The following SCAP variants were observed in gnomAD, a reference collection of about 807,000 sequenced individuals.
SCAP encodes sterol regulatory element-binding protein cleavage-activating protein.
SCAP carries 65 observed loss-of-function variants against 123.6 expected under a neutral mutation model. The observed-to-expected ratio is 0.53, with a 90% CI of 0.43 to 0.65. The LOEUF (loss-of-function observed/expected upper bound fraction) is 0.65. Ranked by LOEUF, SCAP falls within the 30% of genes least tolerant of loss-of-function variation. The pLI is 0.00. For synonymous variants in SCAP, 740 were observed against 726.3 expected, an observed-to-expected ratio of 1.02 and a Z score of -0.30; for missense variants, 1,398 against 1,712.5, an observed-to-expected ratio of 0.82 and a Z score of 3.24.
Position 47,413,719 on chromosome 3 carries a change from T to C in SCAP, c.*135A>G. On this transcript the variant is annotated 3_prime_UTR_variant, in exon 23 of 23. Transcript: ENST00000265565. Reference sequence around the variant, plus strand: ...GCCTGACAGATGATGATATGGTTTTTTAAAAAAGTTTAATATTATTACAGT... The same window carrying C: ...GCCTGACAGATGATGATATGGTTTTCTAAAAAAGTTTAATATTATTACAGT... 2 of 1,254,452 alleles carry C rather than the reference T, an allele frequency of 1.6e-6. No homozygotes were observed. The highest frequency in any genetic ancestry group is 2.9e-5 in the South Asian group (2 of 68,596). The allele number at this position is 1,254,452 out of a possible 1,614,324, so 77.7% of individuals were successfully genotyped here.
chr3:47,415,195 C>T lies in SCAP; in HGVS notation c.3057-15G>A, dbSNP rs768915690. On this transcript the variant is annotated splice_polypyrimidine_tract_variant and intron_variant, in intron 18 of 22. Transcript: ENST00000265565. ...CAGCCACAATCCTGGAAGAGAAGAACAGCTGCCAGGGGCCTCTCCCTTAGA... is the reference window on the plus strand; with the variant it reads ...CAGCCACAATCCTGGAAGAGAAGAATAGCTGCCAGGGGCCTCTCCCTTAGA... 3.4e-5 allele frequency: 54 copies of T among 1,600,638 alleles called. No homozygotes were observed. The highest frequency in any genetic ancestry group is 3.8e-5 in the Non-Finnish European group (45 of 1,175,278).
chr3:47,466,143 A>AC (rs1296085249), intron 1 of SCAP, among the ~76,000 whole-genome samples: 1 of 151,436 alleles, frequency 6.6e-6, no homozygotes, highest in Admixed American at 6.6e-5. Context: ...AACCAAAAAA[A>AC]AAAAAAAAAA....
At chr3:47,443,131 T>C (rs1391999451) in intron 1 of SCAP, 40 bp from the exon 2 acceptor site, 1 of 1,464,942 alleles carries the variant, frequency 6.8e-7, no homozygotes, top group African/African-American at 1.4e-5. Flanking sequence ...AAAGAGTACT[T>C]GGCTCTGCAC....
In SCAP at chr3:47,428,609, C is replaced by T; in HGVS notation, c.314G>A (p.Trp105Ter). Residue 105 changes from tryptophan (W) to a stop codon, truncating the protein, a stop_gained, in exon 4 of 23, where the codon TGG becomes TAG. Coordinates refer to ENST00000265565, the MANE Select transcript of SCAP (RefSeq NM_012235.4). LOFTEE classifies it high-confidence loss of function. ...QIFVKSSVFP[W>*]HKNLLAVDVF... ...ATCTACTGCCAGGAGGTTCTTGTGCCAGGGAAACACTGAGGACTTCACAAA... is the reference window on the plus strand; with the variant it reads ...ATCTACTGCCAGGAGGTTCTTGTGCTAGGGAAACACTGAGGACTTCACAAA... The T allele has an allele frequency of 4.3e-6, 7 of 1,614,148 alleles. No homozygotes were observed. Among genetic ancestry groups the T allele is most frequent in the Non-Finnish European group, 5.9e-6 (7 of 1,180,006 alleles).
intron 1 of SCAP, among the ~76,000 whole-genome samples, chr3:47,471,599 G>T (rs1708025863): frequency 6.6e-6 from 1 of 152,040 alleles, no homozygotes; most frequent in South Asian, 2.1e-4. Context: ...TCGAACTCCT[G>T]ACCTCAGGTG....
intron 2 of SCAP, among the ~76,000 whole-genome samples, chr3:47,440,697 C>T (rs1212168410): frequency 1.3e-5 from 2 of 152,074 alleles, no homozygotes; most frequent in Non-Finnish European, 2.9e-5. Flanking sequence ...GGCGAAACCC[C>T]AGCTCTACTA....
In SCAP at chr3:47,427,642, ACTC is replaced by A; in HGVS notation, c.433_435del (p.Glu145del). 1 of 1,613,746 alleles carries A rather than the reference ACTC, an allele frequency of 6.2e-7. No homozygotes were observed. Among genetic ancestry groups the A allele is most frequent in the Non-Finnish European group, 8.5e-7 (1 of 1,179,932 alleles). On this transcript the variant is annotated inframe_deletion, in exon 5 of 23. Transcript: ENST00000265565. The stretch of plus-strand genomic sequence containing the variant: ...AGCAGGTCGGTCACTTGCAGACACA[ACTC>A]CTCCAAGCTCCTGATCCCAGAGCTG...
chr3:47,458,893 C>T (rs990355927), intron 1 of SCAP, among the ~76,000 whole-genome samples: 1 of 152,232 alleles, frequency 6.6e-6, no homozygotes, highest in East Asian at 1.9e-4. Flanking sequence ...GCAACCTCAG[C>T]CTCCTGGGTT....
intron 1 of SCAP, among the ~76,000 whole-genome samples, chr3:47,466,090 G>A (rs533755340): frequency 5.6e-5 from 8 of 143,428 alleles, no homozygotes; most frequent in South Asian, 4.3e-4. Flanking sequence ...CCAAGATTGC[G>A]TCACTGCACT....
At chr3:47,460,904 AAG>A (rs532521279) in intron 1 of SCAP, among the ~76,000 whole-genome samples, 75 of 152,214 alleles carry the variant, frequency 4.9e-4, no homozygotes, top group African/African-American at 1.8e-3. Flanking sequence ...AAACAGTGCA[AAG>A]AGGGGAGGAG....
At chr3:47,424,790 C>T (rs939594755) in intron 8 of SCAP, among the ~76,000 whole-genome samples, 6 of 152,174 alleles carry the variant, frequency 3.9e-5, no homozygotes, top group Non-Finnish European at 8.8e-5. Flanking sequence ...GCTTTTCATA[C>T]GACCAGCCTG....
chr3:47,457,630 G>A (rs969694442), intron 1 of SCAP, among the ~76,000 whole-genome samples: 6 of 152,176 alleles, frequency 3.9e-5, no homozygotes, highest in South Asian at 2.1e-4. Flanking sequence ...TCTCTGGGCC[G>A]GGCACGGTGG....
At chr3:47,428,929 G>T (rs965285497) in intron 3 of SCAP, 1 of 395,278 alleles carries the variant, frequency 2.5e-6, no homozygotes, top group African/African-American at 2.0e-5. Flanking sequence ...CTGGAGTTGT[G>T]CAGAATGAGC....
chr3:47,428,766 G>A (rs1308008058), intron 3 of SCAP, 96 bp from the exon 4 acceptor site: 1 of 1,361,288 alleles, frequency 7.3e-7, no homozygotes, highest in Non-Finnish European at 1.0e-6. Context: ...TGGAAACCGT[G>A]CCCCACAGAG....
Position 47,414,647 on chromosome 3 carries a change from G to T in SCAP, c.3312C>A (p.Phe1104Leu), listed in dbSNP as rs145829837. 1.2e-6 allele frequency: 2 copies of T among 1,613,200 alleles called. No individual in the cohort carries two copies. Among genetic ancestry groups the T allele is most frequent in the African/African-American group, 2.7e-5 (2 of 74,950 alleles). ...TGSQDHTLRV[F>L]RLEDSCCLFT... Reference sequence around the variant, plus strand: ...AGAGGCAGCACGAGTCCTCCAGACGGAACACCTGGGACAGGGATGGGCCTC... The same window carrying T: ...AGAGGCAGCACGAGTCCTCCAGACGTAACACCTGGGACAGGGATGGGCCTC... Residue 1104 changes from phenylalanine (F) to leucine (L), a missense_variant, in exon 21 of 23, where the codon TTC becomes TTA. By Grantham distance (22) the Phe-to-Leu change is conservative (BLOSUM62 0). Transcript: ENST00000265565.
chr3:47,436,099 C>CA (rs1008642222), intron 2 of SCAP, among the ~76,000 whole-genome samples: 29 of 150,434 alleles, frequency 1.9e-4, no homozygotes, highest in East Asian at 9.8e-4. Flanking sequence ...TAAAAACAAA[C>CA]AAAAAAAAAT....
intron 8 of SCAP, among the ~76,000 whole-genome samples, chr3:47,425,041 T>G (rs1348056349): frequency 2.0e-5 from 3 of 152,194 alleles, no homozygotes; most frequent in Non-Finnish European, 4.4e-5. Flanking sequence ...CATTAGGCAT[T>G]TAAATGTTCT....
rs780901074 is a variant in SCAP, at chr3:47,439,089, G to A, written c.122+3783C>T. Among the ~76,000 whole-genome samples the A allele has an allele frequency of 2.0e-5, 3 of 152,092 alleles. No individual in the cohort carries two copies. The highest frequency in any genetic ancestry group is 6.6e-5 in the Admixed American group (1 of 15,262). On this transcript the variant is annotated intron_variant, in intron 2 of 22. Transcript: ENST00000265565. The surrounding 1 kb of genome is among the most constrained non-coding windows in gnomAD (Gnocchi z 4.0). ...GGGGTTATGTCCTGATAACGCTGTC[G>A]TAAATTGAAAATATCCTAAGTCAAA...
At chr3:47,418,083 G>T in intron 16 of SCAP, 51 bp downstream of exon 16, 1 of 1,378,372 alleles carries the variant, frequency 7.3e-7, no homozygotes, top group Non-Finnish European at 1.0e-6. Context: ...GCGGGGGGTG[G>T]GGTGAGGGGG....
Sources: gnomAD v4.1 joint callset for allele counts (sites outside exome capture counted in the v4.1 genomes callset) on GRCh38, gnomAD v4.1.1 for gene constraint, Gnocchi (gnomAD v3.1) non-coding constraint, MANE v1.5 for transcripts, NCBI Gene and HGNC (gene_info 2026-07-23, HGNC 2026-07-21) for gene names.